Variants in DOK5 observed in about 807,000 individuals in gnomAD.
DOK5 encodes downstream of tyrosine kinase 5.
DOK5 carries 27 observed loss-of-function variants against 43.3 expected under a neutral mutation model. The observed-to-expected ratio is 0.62, with a 90% CI of 0.46 to 0.86. DOK5 has a LOEUF of 0.86. Ranked by LOEUF, DOK5 falls within the 40% of genes least tolerant of loss-of-function variation. The probability of loss-of-function intolerance (pLI) is 0.00; values close to 1 mark genes in which losing one functional copy is unlikely to be tolerated. For missense variants in DOK5, 373 were observed against 392.9 expected (o/e 0.95, Z 0.43); for synonymous variants, 146 against 140.1 (o/e 1.04, Z -0.30).
intron 2 of DOK5, among the ~76,000 whole-genome samples, chr20:54,583,197 G>GT (rs975889135): frequency 1.5e-4 from 23 of 151,326 alleles, no homozygotes; most frequent in African/African-American, 5.1e-4. Flanking sequence ...TTCTGTTATT[G>GT]TTTTTTAGTT....
In DOK5 at chr20:54,651,043, G is replaced by A. The variant is rs2842; in HGVS notation, c.*564G>A. ...CTATTTGTTCAAAGAACCCGTTAGT[G>A]TTGTTTACAGGGTTACAGTTTCTCT... On this transcript the variant is annotated 3_prime_UTR_variant, in exon 8 of 8. Coordinates refer to ENST00000262593, the MANE Select transcript of DOK5 (RefSeq NM_018431.5). The A allele has an allele frequency of 0.54, 82,842 of 152,102 alleles. 22,763 individuals are homozygous for A. The highest frequency in any genetic ancestry group is 0.59 in the Admixed American group (8,965 of 15,282). 9.4% of individuals were successfully genotyped at this position (152,102 alleles called of 1,614,324 possible). A position where few individuals can be genotyped will look rare whatever the true frequency, so the allele number is the denominator to read the frequency against.
intron 7 of DOK5, among the ~76,000 whole-genome samples, chr20:54,647,271 G>A (rs556253430): frequency 6.6e-6 from 1 of 152,222 alleles, no homozygotes; most frequent in East Asian, 1.9e-4. Flanking sequence ...TTGGGAGGCC[G>A]AGTTGGGTGG....
At chr20:54,484,635 C>T (rs963431297) in intron 1 of DOK5, among the ~76,000 whole-genome samples, 2 of 152,174 alleles carry the variant, frequency 1.3e-5, no homozygotes, top group African/African-American at 4.8e-5. Flanking sequence ...TATAGCTGCC[C>T]CTCCTGCCCC....
chr20:54,650,383 T>C (rs1193959168), intron 7 of DOK5, 32 bp from the exon 8 acceptor site: 3 of 1,608,398 alleles, frequency 1.9e-6, no homozygotes, highest in Non-Finnish European at 2.6e-6. Context: ...TCTTGAAATG[T>C]AACTGTTGAT....
intron 6 of DOK5, among the ~76,000 whole-genome samples, chr20:54,612,569 T>C (rs1986684044): frequency 6.6e-6 from 1 of 151,080 alleles, no homozygotes. Flanking sequence ...GAGGCCAGAA[T>C]AGAACAAAAG....
intron 2 of DOK5, among the ~76,000 whole-genome samples, chr20:54,580,692 G>A (rs79053701): frequency 0.088 from 13,341 of 152,010 alleles, 1,037 homozygotes; most frequent in African/African-American, 0.21. Flanking sequence ...ATAGACATTT[G>A]CCCATTTTAA....
intron 1 of DOK5, among the ~76,000 whole-genome samples, chr20:54,506,908 A>G (rs1982826094): frequency 6.6e-6 from 1 of 152,210 alleles, no homozygotes; most frequent in South Asian, 2.1e-4. Context: ...TCGGGGAATC[A>G]CAGACTCTGC....
chr20:54,588,492 C>T lies in DOK5; in HGVS notation c.184C>T (p.Leu62Phe). 1 of 1,613,934 alleles carries T rather than the reference C, an allele frequency of 6.2e-7. No individual in the cohort carries two copies. Among genetic ancestry groups the T allele is most frequent in the Non-Finnish European group, 8.5e-7 (1 of 1,179,832 alleles). The change falls in exon 3 of 8, where the codon CTC (leucine) becomes TTC (phenylalanine). Residue 62 changes from leucine (L) to phenylalanine (F), a missense_variant. Coordinates refer to ENST00000262593, the MANE Select transcript of DOK5 (RefSeq NM_018431.5). ...YFRCYHKVTE[L>F]NNVKNVARLP... ...AATTGTTCATTTTCAGGTTACAGAACTCAATAATGTGAAGAACGTAGCTCG... is the reference window on the plus strand; with the variant it reads ...AATTGTTCATTTTCAGGTTACAGAATTCAATAATGTGAAGAACGTAGCTCG...
chr20:54,509,560 T>G (rs1351088656), intron 1 of DOK5, among the ~76,000 whole-genome samples: 2 of 152,230 alleles, frequency 1.3e-5, no homozygotes, highest in Admixed American at 1.3e-4. Context: ...CAAGAGATGG[T>G]GTCTAGTATT....
chr20:54,505,850 G>A (rs1235633000), intron 1 of DOK5, among the ~76,000 whole-genome samples: 1 of 152,160 alleles, frequency 6.6e-6, no homozygotes, highest in African/African-American at 2.4e-5. Flanking sequence ...GAGACCAACA[G>A]GGAGGCCAGT....
Position 54,642,678 on chromosome 20 carries a change from G to A in DOK5, c.736-780G>A, listed in dbSNP as rs149518633. On this transcript the variant is annotated intron_variant, in intron 6 of 7. Transcript: ENST00000262593. ...GCGGAGGTTGCAGTGAGCTGTGATC[G>A]TGCTACCACACTCCAGCCTTGCTGA... Among the ~76,000 whole-genome samples, 479 of 152,034 alleles carry A rather than the reference G, an allele frequency of 3.2e-3. 4 individuals carry two copies. Among genetic ancestry groups the A allele is most frequent in the African/African-American group, 0.011 (444 of 41,468 alleles).
rs562217840 is a variant in DOK5, at chr20:54,480,598, C to T, written c.66+4586C>T. On this transcript the variant is annotated intron_variant, in intron 1 of 7. Coordinates refer to ENST00000262593, the MANE Select transcript of DOK5 (RefSeq NM_018431.5). ...AGCCATTCTTTATGCCTTTACTTTC[C>T]TAATAAACTTGCTTTCACTTTACAG... Among the ~76,000 whole-genome samples, 21 of 152,328 alleles carry T rather than the reference C, an allele frequency of 1.4e-4. 1 individual carries two copies. Among genetic ancestry groups the T allele is most frequent in the African/African-American group, 5.1e-4 (21 of 41,578 alleles).
rs528529988 is a variant in DOK5, at chr20:54,521,923, C to G, written c.67-33010C>G. ...GGACATTCCAGGGGTTTGGGAGTCT[C>G]TGTGCTGGAACCAGGGACAAAGATG... On this transcript the variant is annotated intron_variant, in intron 1 of 7. Coordinates refer to ENST00000262593, the MANE Select transcript of DOK5 (RefSeq NM_018431.5). Among the ~76,000 whole-genome samples the G allele has an allele frequency of 3.3e-5, 5 of 152,322 alleles. No homozygotes were observed. The South Asian group carries it at 6.2e-4, about 19-fold the overall frequency.
At chr20:54,523,273 C>A (rs1236898591) in intron 1 of DOK5, among the ~76,000 whole-genome samples, 1 of 152,124 alleles carries the variant, frequency 6.6e-6, no homozygotes, top group Non-Finnish European at 1.5e-5. Context: ...AATTAAATAA[C>A]TTTATTTTTT....
chr20:54,641,574 TCATCATCTC>T (rs141150863), intron 6 of DOK5, among the ~76,000 whole-genome samples: 56,771 of 150,184 alleles, frequency 0.38, 12,551 homozygotes, highest in South Asian at 0.57. Flanking sequence ...ATCATCATCA[TCATCATCTC>T]CATCTCCATT....
At chr20:54,618,468 C>T (rs1174345591) in intron 6 of DOK5, among the ~76,000 whole-genome samples, 2 of 152,022 alleles carry the variant, frequency 1.3e-5, no homozygotes, top group African/African-American at 2.4e-5. Context: ...CTCAGCCTCC[C>T]TAGTAGTTGG....
intron 6 of DOK5, among the ~76,000 whole-genome samples, chr20:54,628,408 C>CAAAAAAAAA (rs56730310): frequency 1.3e-4 from 3 of 23,452 alleles, no homozygotes; most frequent in African/African-American, 4.0e-4. Context: ...GACTCCGTCT[C>CAAAAAAAAA]AAAAAAAAAA....
chr20:54,595,176 C>T (rs1986100504), intron 5 of DOK5, among the ~76,000 whole-genome samples: 1 of 152,138 alleles, frequency 6.6e-6, no homozygotes, highest in Non-Finnish European at 1.5e-5. Context: ...CCCATCTCTA[C>T]TAAAAATACA....
At chr20:54,626,267 C>T (rs1440189975) in intron 6 of DOK5, among the ~76,000 whole-genome samples, 3 of 151,830 alleles carry the variant, frequency 2.0e-5, no homozygotes, top group South Asian at 2.1e-4. Context: ...AGGGAAAGAG[C>T]GGAGGTTTTT....
Sources: allele counts gnomAD v4.1 joint callset (sites outside exome capture counted in the v4.1 genomes callset), GRCh38; gene constraint gnomAD v4.1.1; transcripts MANE v1.5; gene names NCBI Gene and HGNC (gene_info 2026-07-23, HGNC 2026-07-21).